Variants in ACSL1 observed in about 807,000 individuals in gnomAD.
ACSL1 encodes the protein long-chain-fatty-acid--CoA ligase 1.
ACSL1 carries 41 observed loss-of-function variants against 98.4 expected under a neutral mutation model. The observed-to-expected ratio is 0.42, with a 90% CI of 0.32 to 0.54. ACSL1 has a LOEUF of 0.54. Ranked by LOEUF, ACSL1 falls within the 20% of genes least tolerant of loss-of-function variation. ACSL1 has a pLI of 0.13. For synonymous variants in ACSL1, 316 were observed against 322.7 expected (o/e 0.98, Z 0.22); for missense variants, 734 against 883.1 (o/e 0.83, Z 2.14).
At chr4:184,778,943 T>TAA (rs11462454) in intron 5 of ACSL1, among the ~76,000 whole-genome samples, 88 of 145,628 alleles carry the variant, frequency 6.0e-4, no homozygotes, top group Admixed American at 8.9e-4. Context: ...TTTATTTATA[T>TAA]AAAAAAAAAA....
chr4:184,815,228 T>C (rs953769290), intron 1 of ACSL1: 1 of 378,614 alleles, frequency 2.6e-6, no homozygotes, highest in Non-Finnish European at 5.3e-6. Flanking sequence ...GAGACAGGAG[T>C]GGGTGGAGAA....
chr4:184,776,939 G>T lies in ACSL1; in HGVS notation c.522C>A (p.Ile174=), dbSNP rs759725041. ...TTCCAAGGGTATCATAAAGTGGAACGATCACCATCGAATAAGCAAAGCATC... is the reference window on the plus strand; with the variant it reads ...TTCCAAGGGTATCATAAAGTGGAACTATCACCATCGAATAAGCAAAGCATC... ...EQGCFAYSMV[I]VPLYDTLGNE... Residue 174 remains isoleucine (I), a synonymous_variant, in exon 6 of 21, where the codon ATC becomes ATA. Coordinates refer to ENST00000281455, the MANE Select transcript of ACSL1 (RefSeq NM_001995.5). The T allele has an allele frequency of 1.7e-5, 28 of 1,613,962 alleles. No homozygotes were observed. The highest frequency in any genetic ancestry group is 2.3e-5 in the Non-Finnish European group (27 of 1,180,032).
intron 1 of ACSL1, among the ~76,000 whole-genome samples, chr4:184,818,793 A>G (rs1772828976): frequency 6.6e-6 from 1 of 152,134 alleles, no homozygotes; most frequent in Non-Finnish European, 1.5e-5. Context: ...TGCTCATCAA[A>G]ATATTTAATA....
chr4:184,823,984 T>C (rs1026537433), intron 1 of ACSL1, among the ~76,000 whole-genome samples: 5 of 152,162 alleles, frequency 3.3e-5, no homozygotes, highest in African/African-American at 4.8e-5. Flanking sequence ...TGTATCTACC[T>C]CCTAAATACC....
chr4:184,768,588 T>A, intron 11 of ACSL1, 138 bp from the exon 12 acceptor site: 1 of 1,280,948 alleles, frequency 7.8e-7, no homozygotes. Flanking sequence ...ATAGGTAACT[T>A]AAAAAAAATG....
intron 1 of ACSL1, among the ~76,000 whole-genome samples, chr4:184,806,561 A>C (rs942735782): frequency 1.3e-5 from 2 of 152,208 alleles, no homozygotes; most frequent in African/African-American, 2.4e-5. Flanking sequence ...ATCTTAAATA[A>C]TTCCTCTGTA....
rs143864813 is a variant in ACSL1, at chr4:184,761,628, C to T, written c.1638+779G>A. ...AGGAGTTCGCCTAATCTGTGAAACACCCTATTTTTAATGAGATGACAAACC... is the reference window on the plus strand; with the variant it reads ...AGGAGTTCGCCTAATCTGTGAAACATCCTATTTTTAATGAGATGACAAACC... On this transcript the variant is annotated intron_variant, in intron 17 of 20. Coordinates refer to ENST00000281455, the MANE Select transcript of ACSL1 (RefSeq NM_001995.5). Among the ~76,000 whole-genome samples the T allele has an allele frequency of 9.9e-5, 15 of 152,266 alleles. No individual in the cohort carries two copies. The East Asian group carries it at 2.9e-3, about 29-fold the overall frequency.
chr4:184,771,230 A>G (rs890161068), intron 10 of ACSL1, among the ~76,000 whole-genome samples: 5 of 152,188 alleles, frequency 3.3e-5, no homozygotes, highest in Non-Finnish European at 7.3e-5. Context: ...ATTTTGCTCA[A>G]ATTGGAAGGT....
chr4:184,757,637 G>A lies in ACSL1; in HGVS notation c.1954C>T (p.Gln652Ter). ...ACCCACTCAGATGAAGGTCATACCT[G>A]TTCAAATGGTTTCAGACCAGAATCC... is the stretch of plus-strand genomic sequence containing the variant. ...GKDSGLKPFE[Q>*]VKGITLHPEL... Residue 652 changes from glutamine to a stop codon, truncating the protein, a stop_gained and splice_region_variant, in exon 20 of 21, where the codon CAG (glutamine) becomes TAG (stop). Transcript: ENST00000281455. LOFTEE classifies it high-confidence loss of function. The surrounding 1 kb of genome is among the most constrained non-coding windows in gnomAD (Gnocchi z 4.5). 1 of 1,613,348 alleles carries A rather than the reference G, an allele frequency of 6.2e-7. No individual in the cohort carries two copies. The highest frequency in any genetic ancestry group is 8.5e-7 in the Non-Finnish European group (1 of 1,179,780).
At chr4:184,805,629 G>T in intron 1 of ACSL1, 1 of 512,034 alleles carries the variant, frequency 2.0e-6, no homozygotes, top group Non-Finnish European at 2.5e-6. Flanking sequence ...GCTCAGCTGC[G>T]CTCCCCCAGC....
chr4:184,821,147 T>G (rs1279793760), intron 1 of ACSL1: 5 of 456,110 alleles, frequency 1.1e-5, no homozygotes, highest in African/African-American at 1.0e-4. Context: ...CTCTCATCAC[T>G]GCTCTGTTCC....
rs1474179819 is a variant in ACSL1, at chr4:184,825,710, G to A, written c.-33+206C>T. ...AAGCTGCGGCAGCACGGGCACCCCGGAGGCCTCCGGCTGCCGAGGGAAGCG... is the reference window on the plus strand; with the variant it reads ...AAGCTGCGGCAGCACGGGCACCCCGAAGGCCTCCGGCTGCCGAGGGAAGCG... On this transcript the variant is annotated intron_variant, in intron 1 of 20. Transcript: ENST00000281455. This position sits in a 1 kb window ranked among gnomAD's most constrained non-coding sequence, Gnocchi z 4.7. Among the ~76,000 whole-genome samples the A allele has an allele frequency of 6.7e-6, 1 of 149,898 alleles. No homozygotes were observed. The highest frequency in any genetic ancestry group is 1.5e-5 in the Non-Finnish European group (1 of 67,052).
In ACSL1 at chr4:184,770,576, G is replaced by A. The variant is rs577745052; in HGVS notation, c.916-100C>T. The A allele has an allele frequency of 3.7e-5, 16 of 435,532 alleles. 3 individuals are homozygous for A. The highest frequency in any genetic ancestry group is 6.3e-5 in the Non-Finnish European group (14 of 220,772). 27.0% of individuals were successfully genotyped at this position (435,532 alleles called of 1,614,324 possible). On this transcript the variant is annotated intron_variant, in intron 10 of 20. Coordinates refer to ENST00000281455, the MANE Select transcript of ACSL1 (RefSeq NM_001995.5). ...GGTTGTGGGGTAGGGGGAGGGGGGA[G>A]GGATAGCATTAGGAGATATACCTAA...
Position 184,773,853 on chromosome 4 carries a change from C to CGTCT in ACSL1, c.775_778dup (p.Arg260GlnfsTer10). On this transcript the variant is annotated frameshift_variant, in exon 8 of 21. Coordinates refer to ENST00000281455, the MANE Select transcript of ACSL1 (RefSeq NM_001995.5). LOFTEE classifies it high-confidence loss of function. This position sits in a 1 kb window ranked among gnomAD's most constrained non-coding sequence, Gnocchi z 4.3. ...ACACGGTGTGCTTACCTTGGGCTTC[C>CGTCT]GTCTGTTGGCTCTTCCCAGGTCCTT... 4 of 1,613,868 alleles carry CGTCT rather than the reference C, an allele frequency of 2.5e-6. No homozygotes were observed. The highest frequency in any genetic ancestry group is 3.4e-6 in the Non-Finnish European group (4 of 1,179,840).
intron 16 of ACSL1, 78 bp from the exon 17 acceptor site, chr4:184,762,601 G>C: frequency 8.0e-7 from 1 of 1,249,072 alleles, no homozygotes; most frequent in Non-Finnish European, 1.2e-6. Flanking sequence ...ATGTGTGTAC[G>C]TGTGTGTCTG....
intron 1 of ACSL1, chr4:184,820,911 T>G: frequency 4.9e-6 from 2 of 408,946 alleles, no homozygotes; most frequent in South Asian, 1.8e-5. Flanking sequence ...CCTCCTGGAG[T>G]GAGAACTTCT....
At position 184,772,970 on chromosome 4, in the gene ACSL1, C is replaced by T. The variant is rs761532244; in HGVS notation, c.915+111G>A. On this transcript the variant is annotated intron_variant, in intron 10 of 20. Coordinates refer to ENST00000281455, the MANE Select transcript of ACSL1 (RefSeq NM_001995.5). ...TTCTGACCTTACCCATATGTCACAT[C>T]GTTTCTAAATGCCACATGGACCTAA... 4.9e-5 allele frequency: 48 copies of T among 977,886 alleles called. 1 individual carries two copies. The Middle Eastern group carries it at 6.6e-4, about 13-fold the overall frequency. 60.6% of individuals were successfully genotyped at this position (977,886 alleles called of 1,614,324 possible). A position where few individuals can be genotyped will look rare whatever the true frequency, so the allele number is the denominator to read the frequency against.
intron 11 of ACSL1, among the ~76,000 whole-genome samples, chr4:184,769,342 CCT>C (rs770977787): frequency 1.4e-4 from 22 of 152,008 alleles, no homozygotes; most frequent in Non-Finnish European, 2.9e-4. Context: ...GCCATATGGA[CCT>C]GACAGTTTGC....
At chr4:184,818,996 G>A (rs1334490007) in intron 1 of ACSL1, among the ~76,000 whole-genome samples, 1 of 152,068 alleles carries the variant, frequency 6.6e-6, no homozygotes, top group Non-Finnish European at 1.5e-5. Context: ...ATGATCGCTG[G>A]TGCATCTACA....
Sources: gnomAD v4.1 joint callset for allele counts (sites outside exome capture counted in the v4.1 genomes callset) on GRCh38, gnomAD v4.1.1 for gene constraint, Gnocchi (gnomAD v3.1) non-coding constraint, MANE v1.5 for transcripts, NCBI Gene and HGNC (gene_info 2026-07-23, HGNC 2026-07-21) for gene names.